The following EYS variants were observed in gnomAD, a reference collection of about 807,000 sequenced individuals.
The protein encoded by EYS is protein eyes shut homolog.
A neutral mutation model predicts 282.1 loss-of-function variants in EYS; 250 were observed. That is an observed-to-expected ratio of 0.89 (90% confidence interval 0.80 to 0.98). EYS has a LOEUF of 0.98. Among genes scored for constraint, EYS ranks in the 50% least tolerant of loss-of-function variants. The probability of loss-of-function intolerance (pLI) is 0.00; values close to 1 mark genes in which losing one functional copy is unlikely to be tolerated. For missense variants in EYS, 4,016 were observed against 3,709.0 expected (o/e 1.08, Z -2.15); for synonymous variants, 1,355 against 1,282.9 (o/e 1.06, Z -1.20).
chr6:65,120,460 CAAA>C (rs67505285), intron 12 of EYS, among the ~76,000 whole-genome samples: 6,139 of 68,268 alleles, frequency 0.09, 200 homozygotes, highest in Middle Eastern at 0.11. Flanking sequence ...TTTAAATAAG[CAAA>C]AAAAAAAAAA....
intron 15 of EYS, among the ~76,000 whole-genome samples, chr6:64,931,852 C>A (rs1335136972): frequency 6.6e-6 from 1 of 152,014 alleles, no homozygotes; most frequent in Non-Finnish European, 1.5e-5. Context: ...CAGAATCAAA[C>A]TTAATATGCA....
At chr6:64,061,440 TAC>T (rs1294187437) in intron 33 of EYS, among the ~76,000 whole-genome samples, 3 of 152,180 alleles carry the variant, frequency 2.0e-5, no homozygotes, top group Admixed American at 6.5e-5. Context: ...GAGTATGAAT[TAC>T]AGTGTACCTG....
intron 24 of EYS, among the ~76,000 whole-genome samples, chr6:64,601,350 A>C (rs922248174): frequency 6.6e-5 from 10 of 152,078 alleles, no homozygotes; most frequent in African/African-American, 2.4e-4. Context: ...CTTAAACATA[A>C]CATGTACAGT....
At chr6:64,201,378 T>C (rs1562250884) in intron 31 of EYS, among the ~76,000 whole-genome samples, 1 of 152,142 alleles carries the variant, frequency 6.6e-6, no homozygotes, top group Non-Finnish European at 1.5e-5. Flanking sequence ...TGAGCTATTA[T>C]TCAATATGTT....
At chr6:64,496,444 C>T (rs558383977) in intron 26 of EYS, among the ~76,000 whole-genome samples, 1 of 152,066 alleles carries the variant, frequency 6.6e-6, no homozygotes, top group South Asian at 2.1e-4. Flanking sequence ...AGGGCTCTGA[C>T]TTAATTTTCT....
chr6:64,189,178 G>T (rs1345642294), intron 31 of EYS, among the ~76,000 whole-genome samples: 1 of 152,100 alleles, frequency 6.6e-6, no homozygotes, highest in African/African-American at 2.4e-5. Context: ...ATGTATATGT[G>T]TAAAAAAATT....
chr6:64,665,394 C>A (rs942630403), intron 22 of EYS, among the ~76,000 whole-genome samples: 2 of 152,060 alleles, frequency 1.3e-5, no homozygotes, highest in Admixed American at 1.3e-4. Context: ...TAGGCTAAAT[C>A]AAATTTAGCC....
chr6:63,994,175 C>T (rs1767728637), intron 34 of EYS, among the ~76,000 whole-genome samples: 1 of 151,922 alleles, frequency 6.6e-6, no homozygotes. Flanking sequence ...AGCTGAGGTA[C>T]AGTCACTGAA....
intron 36 of EYS, among the ~76,000 whole-genome samples, chr6:63,832,734 C>G (rs891252923): frequency 2.0e-5 from 3 of 152,092 alleles, no homozygotes; most frequent in Admixed American, 2.0e-4. Context: ...ACATCATCCT[C>G]ATACCAAAGC....
chr6:64,526,243 G>A (rs553528911), intron 26 of EYS, among the ~76,000 whole-genome samples: 4 of 151,816 alleles, frequency 2.6e-5, no homozygotes, highest in Admixed American at 1.3e-4. Flanking sequence ...AGGGATCCTC[G>A]TGGTGATAGG....
chr6:64,791,949 A>T (rs968584698), intron 22 of EYS, among the ~76,000 whole-genome samples: 1 of 151,970 alleles, frequency 6.6e-6, no homozygotes, highest in Admixed American at 6.6e-5. Context: ...GTTTAAAATA[A>T]TAGTATTATT....
intron 2 of EYS, among the ~76,000 whole-genome samples, chr6:65,627,440 C>CT (rs1562297244): frequency 6.6e-6 from 1 of 152,128 alleles, no homozygotes; most frequent in Non-Finnish European, 1.5e-5. Flanking sequence ...CTTGAGGAGC[C>CT]CTTCGGCCGC....
intron 12 of EYS, among the ~76,000 whole-genome samples, chr6:65,273,908 C>T (rs2350688): frequency 6.6e-6 from 1 of 152,118 alleles, no homozygotes; most frequent in Admixed American, 6.6e-5. Flanking sequence ...TCCTCAGTTT[C>T]CCGCAACAAT....
At chr6:65,432,414 T>G (rs1238620325) in intron 5 of EYS, among the ~76,000 whole-genome samples, 1 of 152,118 alleles carries the variant, frequency 6.6e-6, no homozygotes, top group Non-Finnish European at 1.5e-5. Flanking sequence ...GTAATAACCA[T>G]TATAATTTAT....
intron 12 of EYS, among the ~76,000 whole-genome samples, chr6:65,221,595 C>A (rs1457244021): frequency 5.9e-5 from 9 of 152,154 alleles, no homozygotes; most frequent in Admixed American, 5.9e-4. Flanking sequence ...AGGGGCAGGG[C>A]CCTCATGGAG....
intron 12 of EYS, among the ~76,000 whole-genome samples, chr6:65,064,340 C>A (rs1039667996): frequency 3.5e-4 from 49 of 141,260 alleles, no homozygotes; most frequent in African/African-American, 1.2e-3. Context: ...CCTGAATTTG[C>A]TATATATCAT....
intron 15 of EYS, among the ~76,000 whole-genome samples, chr6:64,913,827 C>G (rs1583288741): frequency 6.6e-6 from 1 of 152,030 alleles, no homozygotes; most frequent in Non-Finnish European, 1.5e-5. Flanking sequence ...TTTGAGAAAT[C>G]TCCATAATGC....
chr6:63,832,444 GC>G (rs948926067), intron 36 of EYS, among the ~76,000 whole-genome samples: 28 of 152,152 alleles, frequency 1.8e-4, no homozygotes, highest in African/African-American at 6.5e-4. Flanking sequence ...ACACCTCTAT[GC>G]AAATAAACTA....
chr6:65,520,842 A>G (rs950050674), intron 2 of EYS, among the ~76,000 whole-genome samples: 3 of 152,020 alleles, frequency 2.0e-5, no homozygotes, highest in Non-Finnish European at 4.4e-5. Context: ...GATTTTACAG[A>G]GTGAGAATTT....
Sources: gnomAD v4.1 joint callset for allele counts (sites outside exome capture counted in the v4.1 genomes callset) on GRCh38, gnomAD v4.1.1 for gene constraint, MANE v1.5 for transcripts, NCBI Gene and HGNC (gene_info 2026-07-23, HGNC 2026-07-21) for gene names.